The following WDR48 variants were observed in gnomAD, a reference collection of about 807,000 sequenced individuals.
WDR48 encodes WD repeat-containing protein 48.
In WDR48, 22 loss-of-function variants were observed where a neutral mutation model predicts 94.0. The ratio of observed to expected loss-of-function variants is 0.23; its 90% confidence interval spans 0.17 to 0.33. The LOEUF (loss-of-function observed/expected upper bound fraction) is 0.33. WDR48 is among the 10% of genes least tolerant of loss of function. The probability of loss-of-function intolerance (pLI) is 1.00; values close to 1 mark genes in which losing one functional copy is unlikely to be tolerated. For synonymous variants in WDR48, 278 were observed against 280.5 expected (o/e 0.99, Z 0.09); for missense variants, 541 against 813.8 (o/e 0.66, Z 4.08).
rs763786520 is a variant in WDR48, at chr3:39,066,759, C to A, written c.365C>A (p.Ala122Asp). 6.2e-7 allele frequency: 1 copy of A among 1,613,928 alleles called. No homozygotes were observed. The highest frequency in any genetic ancestry group is 1.1e-5 in the South Asian group (1 of 91,068). Residue 122 changes from alanine (A) to aspartate (D), a missense_variant, in exon 5 of 19, where the codon GCC becomes GAC. Physicochemically the swap from Ala to Asp is moderately radical, Grantham distance 126. Transcript: ENST00000302313. ...GTTCTATTACAGGATTACGTAAAGG[C>A]CTTAGCATATGCCAAGGATAAAGAA... ...TLRTHKDYVK[A>D]LAYAKDKELV...
In WDR48 at chr3:39,063,092, A is replaced by G; in HGVS notation, c.91A>G (p.Asn31Asp). 6.2e-7 allele frequency: 1 copy of G among 1,614,122 alleles called. No individual in the cohort carries two copies. The change falls in exon 2 of 19, where the codon AAT (asparagine) becomes GAT (aspartate). Residue 31 changes from asparagine to aspartate, a missense_variant. Transcript: ENST00000302313. ...IRDEVEKYNR[N>D]GVNALQLDPA... ...AGATGAAGTGGAGAAGTACAACCGA[A>G]ATGGAGTCAATGCTCTGCAGCTGGA...
chr3:39,091,718 T>TTTC lies in WDR48; in HGVS notation c.1745+20_1745+22dup, dbSNP rs1439905772. The TTTC allele has an allele frequency of 1.9e-6, 3 of 1,575,924 alleles. No homozygotes were observed. Among genetic ancestry groups the TTTC allele is most frequent in the Non-Finnish European group, 2.6e-6 (3 of 1,158,366 alleles). ...CTTAAAAAAGTAAGTAAATATATGG[T>TTTC]TTCTTGATCTAATTAACTACTAGAG... On this transcript the variant is annotated intron_variant, in intron 17 of 18. Coordinates refer to ENST00000302313, the MANE Select transcript of WDR48 (RefSeq NM_020839.4).
intron 1 of WDR48, chr3:39,052,276 C>T (rs2032463672): frequency 1.7e-6 from 1 of 595,090 alleles, no homozygotes; most frequent in South Asian, 2.1e-5. Flanking sequence ...CCTTGGGGCC[C>T]AGGCCCGGGA....
intron 3 of WDR48, 144 bp downstream of exon 3, chr3:39,066,033 T>G: frequency 5.0e-6 from 3 of 601,916 alleles, no homozygotes; most frequent in Admixed American, 3.6e-5. Flanking sequence ...AATACCCAAA[T>G]CAAGAAACAA....
At chr3:39,066,706 G>T in intron 4 of WDR48, 40 bp from the exon 5 acceptor site, 1 of 1,613,508 alleles carries the variant, frequency 6.2e-7, no homozygotes, top group Non-Finnish European at 8.5e-7. Flanking sequence ...TTTTATTACT[G>T]ATCTACAGAA....
rs144462820 is a variant in WDR48, at chr3:39,058,311, C to T, written c.49-4739C>T. Among the ~76,000 whole-genome samples the T allele has an allele frequency of 1.6e-4, 25 of 152,328 alleles. No individual in the cohort carries two copies. In the Middle Eastern group the frequency reaches 0.014, roughly 83 times the overall value. On this transcript the variant is annotated intron_variant, in intron 1 of 18. Transcript: ENST00000302313. The stretch of plus-strand genomic sequence containing the variant: ...AATAGTGTTGTGTTTTACAGATGTG[C>T]GTGCTAGAATTTATCCAACTAGGAT...
chr3:39,078,109 G>T, intron 9 of WDR48, 28 bp from the exon 10 acceptor site: 1 of 1,537,640 alleles, frequency 6.5e-7, no homozygotes, highest in South Asian at 1.1e-5. Flanking sequence ...AGCATAACAT[G>T]ATCAAATAAC....
At position 39,084,362 on chromosome 3, in the gene WDR48, G is replaced by GA. The variant is rs35364617; in HGVS notation, c.1281+110dup. The GA allele has an allele frequency of 4.3e-3, 3,184 of 744,202 alleles. 1 individual carries two copies. The highest frequency in any genetic ancestry group is 7.5e-3 in the East Asian group (204 of 27,106). The allele number at this position is 744,202 out of a possible 1,614,324, so 46.1% of individuals were successfully genotyped here. On this transcript the variant is annotated intron_variant, in intron 12 of 18. Transcript: ENST00000302313. ...TACAGAGTCCTGTGTTTTTAGGTGT[G>GA]AAAAAAAAAATTTGTGTTAAAACTT... is the stretch of plus-strand genomic sequence containing the variant.
rs369116447 is a variant in WDR48 at position 39,072,084 on chromosome 3, C to T, written c.672+2340C>T. 2.0e-5 allele frequency among the ~76,000 whole-genome samples: 3 copies of T among 152,160 alleles called. No homozygotes were observed. The East Asian group carries it at 5.8e-4, about 29-fold the overall frequency. ...GGTGGCTTTGTAAATCAGGAATTGGCAGTAAGATACATATCTTATAGGCCA... is the reference window on the plus strand; with the variant it reads ...GGTGGCTTTGTAAATCAGGAATTGGTAGTAAGATACATATCTTATAGGCCA... On this transcript the variant is annotated intron_variant, in intron 7 of 18. Transcript: ENST00000302313.
chr3:39,062,943 T>C lies in WDR48; in HGVS notation c.49-107T>C, dbSNP rs2033362979. 5 of 1,395,996 alleles carry C rather than the reference T, an allele frequency of 3.6e-6. No individual in the cohort carries two copies. The South Asian group carries it at 7.0e-5, about 19-fold the overall frequency. 86.5% of individuals were successfully genotyped at this position (1,395,996 alleles called of 1,614,324 possible). ...ATTTGTATTGGGTTGAAAAAGTACA[T>C]ATTGGAAAACATGGGATTTTCTGTT... On this transcript the variant is annotated intron_variant, in intron 1 of 18. Transcript: ENST00000302313.
At chr3:39,054,249 T>C (rs562164605) in intron 1 of WDR48, among the ~76,000 whole-genome samples, 11 of 151,894 alleles carry the variant, frequency 7.2e-5, no homozygotes, top group African/African-American at 2.4e-4. Context: ...CATGTTTTAA[T>C]CCTAGACCAG....
chr3:39,092,472 C>T (rs1206002003), intron 17 of WDR48, among the ~76,000 whole-genome samples: 3 of 152,138 alleles, frequency 2.0e-5, no homozygotes, highest in African/African-American at 7.2e-5. Flanking sequence ...CGTGAGGACC[C>T]ATGCACCTGC....
At chr3:39,076,139 T>G (rs2125663375) in intron 8 of WDR48, among the ~76,000 whole-genome samples, 1 of 152,288 alleles carries the variant, frequency 6.6e-6, no homozygotes, top group East Asian at 1.9e-4. Context: ...CAGACTGTTG[T>G]GTAGGAGGAA....
chr3:39,052,281 C>A, intron 1 of WDR48: 1 of 580,674 alleles, frequency 1.7e-6, no homozygotes, highest in Non-Finnish European at 3.0e-6. Flanking sequence ...GGGCCCAGGC[C>A]CGGGACCCTC....
chr3:39,077,091 A>G, intron 8 of WDR48, 48 bp from the exon 9 acceptor site: 3 of 1,604,414 alleles, frequency 1.9e-6, no homozygotes, highest in Non-Finnish European at 2.6e-6. Flanking sequence ...CTGGCAGTTC[A>G]GAAGAGTTGA....
chr3:39,085,874 T>C (rs895914417), intron 14 of WDR48, among the ~76,000 whole-genome samples: 8 of 152,038 alleles, frequency 5.3e-5, no homozygotes, highest in African/African-American at 1.9e-4. Flanking sequence ...ATGACTTTTG[T>C]CTTAAAATGA....
chr3:39,056,169 C>G (rs1190722573), intron 1 of WDR48, among the ~76,000 whole-genome samples: 1 of 152,118 alleles, frequency 6.6e-6, no homozygotes, highest in Non-Finnish European at 1.5e-5. Context: ...ATTTGTCTAG[C>G]CATTTCCTTA....
At chr3:39,061,122 C>A (rs970740273) in intron 1 of WDR48, among the ~76,000 whole-genome samples, 4 of 152,034 alleles carry the variant, frequency 2.6e-5, no homozygotes, top group Admixed American at 6.6e-5. Context: ...TATTATACTT[C>A]AAGTTCTAGG....
Position 39,068,751 on chromosome 3 carries a change from G to A in WDR48, c.482-20G>A. On this transcript the variant is annotated intron_variant, in intron 5 of 18. Coordinates refer to ENST00000302313, the MANE Select transcript of WDR48 (RefSeq NM_020839.4). ...CAGCTGATGATCTTGTTAACATTTA[G>A]CTCCGTTTATCCTCAATAGCTTCTT... 2 of 1,576,620 alleles carry A rather than the reference G, an allele frequency of 1.3e-6. No homozygotes were observed. Among genetic ancestry groups the A allele is most frequent in the East Asian group, 4.5e-5 (2 of 44,602 alleles).
Sources: allele counts gnomAD v4.1 joint callset (sites outside exome capture counted in the v4.1 genomes callset), GRCh38; gene constraint gnomAD v4.1.1; transcripts MANE v1.5; gene names NCBI Gene and HGNC (gene_info 2026-07-23, HGNC 2026-07-21).